The following NOTCH1 variants were observed in gnomAD, a reference collection of about 807,000 sequenced individuals.
The protein encoded by NOTCH1 is notch receptor 1.
NOTCH1 carries 37 observed loss-of-function variants against 254.8 expected under a neutral mutation model. The ratio of observed to expected loss-of-function variants is 0.15; its 90% CI spans 0.11 to 0.19. The LOEUF (loss-of-function observed/expected upper bound fraction) is 0.19. NOTCH1 is among the 10% of genes least tolerant of loss of function. The pLI is 1.00. For missense variants in NOTCH1, 2,972 were observed against 3,708.6 expected (o/e 0.80, Z 5.16); for synonymous variants, 1,731 against 1,618.1 (o/e 1.07, Z -1.68).
At chr9:136,502,165 G>T in intron 28 of NOTCH1, 77 bp from the exon 29 acceptor site, 1 of 1,592,406 alleles carries the variant, frequency 6.3e-7, no homozygotes, top group Non-Finnish European at 8.6e-7. Context: ...CCCGGGCCTG[G>T]CGTGGGAGGT....
intron 20 of NOTCH1, 33 bp from the exon 21 acceptor site, chr9:136,508,172 C>T (rs755005819): frequency 6.2e-7 from 1 of 1,608,562 alleles, no homozygotes; most frequent in Non-Finnish European, 8.5e-7. Context: ...CAGGTGAGGC[C>T]CAGGCCCACA....
In NOTCH1 at chr9:136,518,220, G is replaced by C; in HGVS notation, c.1172C>G (p.Pro391Arg). ...GGTGCAGATGGCCTTGCCATTGACA[G>C]GGTTGGTGTCGCAGTTGGAGCCCTC... ...CNEGSNCDTN[P>R]VNGKAICTCP... The change falls in exon 7 of 34, where the codon CCT becomes CGT. Residue 391 changes from proline to arginine, a missense_variant. Physicochemically the swap from Pro to Arg is moderately radical, Grantham distance 103. This residue lies in a region of NOTCH1 where 90 missense variants were observed against 183.6 expected (regional missense o/e 0.49). Coordinates refer to ENST00000651671, the MANE Select transcript of NOTCH1 (RefSeq NM_017617.5). The C allele has an allele frequency of 6.2e-7, 1 of 1,609,380 alleles. No individual in the cohort carries two copies. The highest frequency in any genetic ancestry group is 8.5e-7 in the Non-Finnish European group (1 of 1,178,476).
At chr9:136,503,633 G>A (rs1843034645) in intron 26 of NOTCH1, among the ~76,000 whole-genome samples, 1 of 152,196 alleles carries the variant, frequency 6.6e-6, no homozygotes, top group Non-Finnish European at 1.5e-5. Flanking sequence ...CCTCATCTCA[G>A]GACAGAGTAT....
At chr9:136,520,493 G>A (rs1238548740) in intron 4 of NOTCH1, among the ~76,000 whole-genome samples, 2 of 152,138 alleles carry the variant, frequency 1.3e-5, no homozygotes, top group Non-Finnish European at 2.9e-5. Flanking sequence ...CGGCACTTTG[G>A]GAGGCTGAAG....
chr9:136,515,416 G>A lies in NOTCH1; in HGVS notation c.1904-16C>T, dbSNP rs775848413. The stretch of plus-strand genomic sequence containing the variant: ...CAGTTGGGTCCTGAAGGGGTGGCAC[G>A]TGTCGGTCAGTCCTCAGGCCCGCCC... On this transcript the variant is annotated splice_polypyrimidine_tract_variant and intron_variant, in intron 11 of 33. Coordinates refer to ENST00000651671, the MANE Select transcript of NOTCH1 (RefSeq NM_017617.5). 1.7e-5 allele frequency: 28 copies of A among 1,612,476 alleles called. No individual in the cohort carries two copies. The African/African-American group carries it at 2.0e-4, about 12-fold the overall frequency.
Position 136,545,711 on chromosome 9 carries a change from TG to T in NOTCH1, c.61+14del. 7.1e-7 allele frequency: 1 copy of T among 1,398,778 alleles called. No individual in the cohort carries two copies. Among genetic ancestry groups the T allele is most frequent in the African/African-American group, 1.5e-5 (1 of 65,280 alleles). 86.6% of individuals were successfully genotyped at this position (1,398,778 alleles called of 1,614,324 possible). On this transcript the variant is annotated intron_variant, in intron 1 of 33. Transcript: ENST00000651671. The surrounding 1 kb of genome is among the most constrained non-coding windows in gnomAD (Gnocchi z 6.8). ...GGCGCGGAAAGTGGGGGCTCGCGGG[TG>T]GGTGGGCGCCTACCTCGTGCGGCGA...
rs544726499 is a variant in NOTCH1 at position 136,502,777 on chromosome 9, T to C, written c.5168-289A>G. On this transcript the variant is annotated intron_variant, in intron 27 of 33. Transcript: ENST00000651671. ...TCAAATCGCTGCACTCGCACTGAGC[T>C]GTTAAGACAAAGGATTTAGAGGGAT... 324 of 570,696 alleles carry C rather than the reference T, an allele frequency of 5.7e-4. 6 individuals are homozygous for C. The South Asian group carries it at 5.8e-3, about 10-fold the overall frequency. 35.4% of individuals were successfully genotyped at this position (570,696 alleles called of 1,614,324 possible). A position where few individuals can be genotyped will look rare whatever the true frequency, so the allele number is the denominator to read the frequency against.
In NOTCH1 at chr9:136,497,286, G is replaced by A. The variant is rs377302245; in HGVS notation, c.6453C>T (p.Pro2151=). 89 of 1,609,114 alleles carry A rather than the reference G, an allele frequency of 5.5e-5. No individual in the cohort carries two copies. The South Asian group carries it at 6.7e-4, about 12-fold the overall frequency. ...TGCGGACCTTCTTGCCCTGCACGCC[G>A]GGCTTGAGGCTGCCCAGGTAGCCGT... ...SPNGYLGSLK[P]GVQGKKVRKP... The change falls in exon 34 of 34, where the codon CCC becomes CCT. Residue 2151 remains proline, a synonymous_variant. Coordinates refer to ENST00000651671, the MANE Select transcript of NOTCH1 (RefSeq NM_017617.5).
rs201215245 is a variant in NOTCH1, at chr9:136,505,865, G to A, written c.4031C>T (p.Thr1344Met). ...GCAGGTACGAGCGTCATTCTCACACGTGGCGCCCTCGAAGCCCTGCCCGAG... is the reference window on the plus strand; with the variant it reads ...GCAGGTACGAGCGTCATTCTCACACATGGCGCCCTCGAAGCCCTGCCCGAG... ...CKCPAGFEGATCENDARTCGS... is the reference protein window; with the variant it reads ...CKCPAGFEGAMCENDARTCGS... Residue 1344 changes from threonine (T) to methionine (M), a missense_variant, in exon 25 of 34, where the codon ACG becomes ATG. Around this residue, in one of 8 missense-constraint regions of NOTCH1, gnomAD observed 1,343 missense variants for 1,557.0 expected, o/e 0.86. Coordinates refer to ENST00000651671, the MANE Select transcript of NOTCH1 (RefSeq NM_017617.5). The A allele has an allele frequency of 4.5e-4, 714 of 1,592,770 alleles. No homozygotes were observed. The highest frequency in any genetic ancestry group is 5.6e-4 in the Non-Finnish European group (661 of 1,177,540).
At chr9:136,503,027 C>A in intron 27 of NOTCH1, 155 bp downstream of exon 27, 1 of 1,100,880 alleles carries the variant, frequency 9.1e-7, no homozygotes, top group South Asian at 1.3e-5. Flanking sequence ...GGGCGGAGTG[C>A]CATTCAGAAA....
At chr9:136,502,251 G>A (rs940824104) in intron 28 of NOTCH1, 21 bp downstream of exon 28, 1 of 1,603,396 alleles carries the variant, frequency 6.2e-7, no homozygotes, top group Non-Finnish European at 8.5e-7. Flanking sequence ...GGACCCAGAA[G>A]CAGGGGCGGC....
At chr9:136,533,394 A>G (rs918281550) in intron 2 of NOTCH1, among the ~76,000 whole-genome samples, 10 of 152,204 alleles carry the variant, frequency 6.6e-5, no homozygotes, top group African/African-American at 2.4e-4. Flanking sequence ...TCTCATTTCC[A>G]GTAACTGTGT....
At chr9:136,502,165 G>C in intron 28 of NOTCH1, 77 bp from the exon 29 acceptor site, 2 of 1,592,406 alleles carry the variant, frequency 1.3e-6, no homozygotes, top group Non-Finnish European at 1.7e-6. Context: ...CCCGGGCCTG[G>C]CGTGGGAGGT....
At chr9:136,505,242 T>C in intron 25 of NOTCH1, 68 bp downstream of exon 25, 1 of 1,534,764 alleles carries the variant, frequency 6.5e-7, no homozygotes, top group African/African-American at 1.4e-5. Flanking sequence ...CATGCTGGCC[T>C]CCGGGCCCAA....
In NOTCH1 at chr9:136,515,317, C is replaced by G. The variant is rs548000491; in HGVS notation, c.1987G>C (p.Glu663Gln). 1.2e-6 allele frequency: 2 copies of G among 1,612,972 alleles called. No individual in the cohort carries two copies. The highest frequency in any genetic ancestry group is 4.5e-5 in the East Asian group (2 of 44,884). The part of the protein sequence containing the change: ...GTCLDKIDGY[E>Q]CACEPGYTGS... ...GTGTAGCCCGGCTCACAGGCACACT[C>G]GTAGCCATCGATCTTGTCCAGACAG... The change falls in exon 12 of 34, where the codon GAG becomes CAG. Residue 663 changes from glutamate to glutamine, a missense_variant. This residue lies in a region of NOTCH1 where 1,343 missense variants were observed against 1,557.0 expected (regional missense o/e 0.86). Transcript: ENST00000651671.
chr9:136,502,961 C>T (rs908600698), intron 27 of NOTCH1: 8 of 709,840 alleles, frequency 1.1e-5, no homozygotes, highest in African/African-American at 7.0e-5. Context: ...CCCACTTTCC[C>T]GTGGCTGGAC....
chr9:136,511,057 T>C (rs1301547615), intron 16 of NOTCH1, 95 bp downstream of exon 16: 1 of 1,586,914 alleles, frequency 6.3e-7, no homozygotes, highest in African/African-American at 1.3e-5. Flanking sequence ...CCAGCTCCTC[T>C]TCAAAGACTC....
intron 2 of NOTCH1, among the ~76,000 whole-genome samples, chr9:136,541,965 C>A (rs1843738799): frequency 6.6e-6 from 1 of 152,244 alleles, no homozygotes; most frequent in South Asian, 2.1e-4. Context: ...CAGGCCCCAG[C>A]AAAGGGGACA....
rs780970795 is a variant in NOTCH1 at position 136,506,699 on chromosome 9, C to G, written c.3901+17G>C. ...CTGCTGCCCCACACGCCCCACCCGC[C>G]TGGGCGCGGCACCCACCGGTGTGAC... On this transcript the variant is annotated intron_variant, in intron 23 of 33. Coordinates refer to ENST00000651671, the MANE Select transcript of NOTCH1 (RefSeq NM_017617.5). The surrounding 1 kb of genome is among the most constrained non-coding windows in gnomAD (Gnocchi z 4.5). 2 of 1,596,504 alleles carry G rather than the reference C, an allele frequency of 1.3e-6. No individual in the cohort carries two copies. Among genetic ancestry groups the G allele is most frequent in the Non-Finnish European group, 1.7e-6 (2 of 1,172,306 alleles).
Sources: gnomAD v4.1 joint callset for allele counts (sites outside exome capture counted in the v4.1 genomes callset) on GRCh38, gnomAD v4.1.1 for gene constraint, gnomAD v4.1.1 regional missense constraint, Gnocchi (gnomAD v3.1) non-coding constraint, MANE v1.5 for transcripts, NCBI Gene and HGNC (gene_info 2026-07-23, HGNC 2026-07-21) for gene names.